The following HK2 variants were observed in gnomAD, a reference collection of about 807,000 sequenced individuals.
HK2 encodes the protein hexokinase-2.
A neutral mutation model predicts 92.9 loss-of-function variants in HK2; 42 were observed. The ratio of observed to expected loss-of-function variants is 0.45; its 90% CI spans 0.35 to 0.58. The LOEUF is 0.58. Among genes scored for constraint, HK2 ranks in the 20% least tolerant of loss-of-function variants. The probability of loss-of-function intolerance (pLI) is 0.00; values close to 1 mark genes in which losing one functional copy is unlikely to be tolerated. For missense variants in HK2, 978 were observed against 1,245.1 expected, an observed-to-expected ratio of 0.79 and a Z score of 3.23; for synonymous variants, 422 against 468.0, an observed-to-expected ratio of 0.90 and a Z score of 1.27.
intron 2 of HK2, among the ~76,000 whole-genome samples, chr2:74,865,480 T>C (rs566695466): frequency 6.6e-6 from 1 of 152,180 alleles, no homozygotes; most frequent in South Asian, 2.1e-4. Context: ...AGGCATTTCA[T>C]CTTTGATATC....
At chr2:74,864,911 A>G (rs1464648899) in intron 2 of HK2, among the ~76,000 whole-genome samples, 1 of 152,236 alleles carries the variant, frequency 6.6e-6, no homozygotes, top group Non-Finnish European at 1.5e-5. Context: ...AGGTGAGGTG[A>G]CATGCTCAGA....
At chr2:74,880,178 A>T in intron 9 of HK2, 87 bp from the exon 10 acceptor site, 1 of 1,474,488 alleles carries the variant, frequency 6.8e-7, no homozygotes, top group Non-Finnish European at 9.4e-7. Context: ...TGGCATTTGG[A>T]TTAAGGCGGT....
intron 1 of HK2, among the ~76,000 whole-genome samples, chr2:74,848,311 C>G (rs1415485602): frequency 6.6e-6 from 1 of 152,194 alleles, no homozygotes; most frequent in Non-Finnish European, 1.5e-5. Context: ...ATATAAAGTC[C>G]TAGAGAGCAG....
At position 74,867,617 on chromosome 2, in the gene HK2, G is replaced by A; in HGVS notation, c.227-19G>A. On this transcript the variant is annotated intron_variant, in intron 2 of 17. Transcript: ENST00000290573. ...AGAATTTTGCCCAAAATTAATAGTG[G>A]CCCTTCCTTTCTCTGCAGAACACGG... 2 of 1,612,262 alleles carry A rather than the reference G, an allele frequency of 1.2e-6. No individual in the cohort carries two copies. Among genetic ancestry groups the A allele is most frequent in the Non-Finnish European group, 1.7e-6 (2 of 1,179,872 alleles).
At position 74,835,717 on chromosome 2, in the gene HK2, G is replaced by C. The variant is rs963513541; in HGVS notation, c.63+1074G>C. Among the ~76,000 whole-genome samples the C allele has an allele frequency of 9.8e-5, 15 of 152,358 alleles. No individual in the cohort carries two copies. In the East Asian group the frequency reaches 2.3e-3, roughly 24 times the overall value. ...GGCTCCTGGCCCGGGCCTGGGCTAC[G>C]ATTTGAGGTAGGGGACAAGTTGGGA... On this transcript the variant is annotated intron_variant, in intron 1 of 17. Transcript: ENST00000290573.
Position 74,834,461 on chromosome 2 carries a change from A to T in HK2, c.-120A>T. Reference sequence around the variant, plus strand: ...GTAGCCTTCTTTGTGCGCCGTCCGGACTCCCAGCTCCCGGCCCGGCAGCCG... The same window carrying T: ...GTAGCCTTCTTTGTGCGCCGTCCGGTCTCCCAGCTCCCGGCCCGGCAGCCG... On this transcript the variant is annotated 5_prime_UTR_variant, in exon 1 of 18. Coordinates refer to ENST00000290573, the MANE Select transcript of HK2 (RefSeq NM_000189.5). This position sits in a 1 kb window ranked among gnomAD's most constrained non-coding sequence, Gnocchi z 4.2. The T allele has an allele frequency of 1.0e-6, 1 of 960,178 alleles. No individual in the cohort carries two copies. Among genetic ancestry groups the T allele is most frequent in the Non-Finnish European group, 1.6e-6 (1 of 606,750 alleles). The allele number at this position is 960,178 out of a possible 1,614,324, so 59.5% of individuals were successfully genotyped here.
At chr2:74,869,799 C>T (rs187999279) in intron 3 of HK2, among the ~76,000 whole-genome samples, 126 of 152,222 alleles carry the variant, frequency 8.3e-4, no homozygotes, top group Middle Eastern at 3.4e-3. Context: ...TTCAAGGAAG[C>T]AGAAGGTCTC....
At position 74,854,324 on chromosome 2, in the gene HK2, CTGA is replaced by C; in HGVS notation, c.99_101del (p.Asp33del). On this transcript the variant is annotated inframe_deletion, in exon 2 of 18. Transcript: ENST00000290573. Reference sequence around the variant, plus strand: ...CAGTATCTCTACCACATGCGCCTCTCTGATGAGACCCTCTTGGAGATCTCTAAG... The same window carrying C: ...CAGTATCTCTACCACATGCGCCTCTCTGAGACCCTCTTGGAGATCTCTAAG... The C allele has an allele frequency of 2.5e-6, 4 of 1,613,248 alleles. No homozygotes were observed. The highest frequency in any genetic ancestry group is 3.4e-6 in the Non-Finnish European group (4 of 1,180,024).
chr2:74,867,530 G>T (rs560072117), intron 2 of HK2, 106 bp from the exon 3 acceptor site: 1 of 1,220,516 alleles, frequency 8.2e-7, no homozygotes, highest in Non-Finnish European at 1.2e-6. Context: ...CCCACTGGCC[G>T]CCCCTTACCC....
intron 5 of HK2, 117 bp from the exon 6 acceptor site, chr2:74,873,727 G>A: frequency 1.4e-6 from 1 of 724,138 alleles, no homozygotes. Context: ...TTATGGGGAG[G>A]GAGGGGGGAG....
At chr2:74,835,092 C>T (rs1291949894) in intron 1 of HK2, 3 of 240,966 alleles carry the variant, frequency 1.2e-5, no homozygotes, top group Admixed American at 5.2e-5. Flanking sequence ...CGTCCGCGCT[C>T]GCGGACCGCG....
chr2:74,890,213 G>A (rs1689642023), intron 17 of HK2, among the ~76,000 whole-genome samples: 2 of 152,172 alleles, frequency 1.3e-5, no homozygotes, highest in Admixed American at 1.3e-4. Context: ...TGGGGAGGGT[G>A]TCCTGACCCT....
rs752683977 is a variant in HK2, at chr2:74,889,429, C to G, written c.2560C>G (p.Leu854Val). Residue 854 changes from leucine to valine, a missense_variant, in exon 17 of 18, where the codon CTC (leucine) becomes GTC (valine). Physicochemically the swap from Leu to Val is conservative, Grantham distance 32 (BLOSUM62 1). Transcript: ENST00000290573. The stretch of plus-strand genomic sequence containing the variant: ...ACGAGAAAACCGTGGGCTGGACGCT[C>G]TCAAAGTGACAGTGGGTGTGGATGG... The part of the protein sequence containing the change: ...RIRENRGLDA[L>V]KVTVGVDGTL... 1.2e-6 allele frequency: 2 copies of G among 1,613,904 alleles called. No individual in the cohort carries two copies. The highest frequency in any genetic ancestry group is 1.7e-6 in the Non-Finnish European group (2 of 1,179,928).
chr2:74,862,099 G>A (rs3771774), intron 2 of HK2, among the ~76,000 whole-genome samples: 34,657 of 152,074 alleles, frequency 0.23, 4,247 homozygotes, highest in Admixed American at 0.33. Flanking sequence ...GTACTGTGCT[G>A]AACGCTGTGT....
Position 74,875,925 on chromosome 2 carries a change from T to C in HK2, c.876-1241T>C, listed in dbSNP as rs562194304. 3.9e-5 allele frequency among the ~76,000 whole-genome samples: 6 copies of C among 152,358 alleles called. No homozygotes were observed. In the East Asian group the frequency reaches 1.2e-3, roughly 29 times the overall value. ...TTGACACCCACCAAATTGTCATCCA[T>C]GGTAGCCCTGAAGTCACTACAGACA... is the stretch of plus-strand genomic sequence containing the variant. On this transcript the variant is annotated intron_variant, in intron 7 of 17. Transcript: ENST00000290573.
intron 1 of HK2, among the ~76,000 whole-genome samples, chr2:74,836,165 A>G (rs540588230): frequency 1.3e-5 from 2 of 152,310 alleles, no homozygotes; most frequent in African/African-American, 2.4e-5. Context: ...GGGGAAGGCT[A>G]TCATCTCTTG....
At chr2:74,867,837 G>A (rs1688996632) in intron 3 of HK2, 53 bp downstream of exon 3, 1 of 1,604,642 alleles carries the variant, frequency 6.2e-7, no homozygotes, top group Non-Finnish European at 8.5e-7. Flanking sequence ...TCCTTGGCAT[G>A]TTCTTTCTGT....
intron 1 of HK2, among the ~76,000 whole-genome samples, chr2:74,840,955 C>T (rs59984603): frequency 0.013 from 2,006 of 150,694 alleles, 40 homozygotes; most frequent in African/African-American, 0.046. Context: ...TCACTGGACA[C>T]GTCTTCATAT....
In HK2 at chr2:74,893,132, G is replaced by A. The variant is rs1689723818; in HGVS notation, c.*2191G>A. The A allele has an allele frequency of 6.6e-6, 1 of 150,926 alleles. No homozygotes were observed. Among genetic ancestry groups the A allele is most frequent in the African/African-American group, 2.4e-5 (1 of 40,926 alleles). 9.3% of individuals were successfully genotyped at this position (150,926 alleles called of 1,614,324 possible). Reference sequence around the variant, plus strand: ...GAACACTGGAAAATAAATTTTGAATGTTTATGTTCTCAGAATCAGGTTGAC... The same window carrying A: ...GAACACTGGAAAATAAATTTTGAATATTTATGTTCTCAGAATCAGGTTGAC... On this transcript the variant is annotated 3_prime_UTR_variant, in exon 18 of 18. Transcript: ENST00000290573.
Sources: allele counts gnomAD v4.1 joint callset (sites outside exome capture counted in the v4.1 genomes callset), GRCh38; gene constraint gnomAD v4.1.1; non-coding constraint Gnocchi (gnomAD v3.1); transcripts MANE v1.5; gene names NCBI Gene and HGNC (gene_info 2026-07-23, HGNC 2026-07-21).